SRPX: variants seen among roughly 807,000 people sequenced by gnomAD.
The protein encoded by SRPX is sushi repeat-containing protein SRPX.
Under a neutral mutation model 38.1 loss-of-function variants are expected in SRPX, and 24 were observed. That is an observed-to-expected ratio of 0.63 (90% CI 0.46 to 0.89). The LOEUF (loss-of-function observed/expected upper bound fraction) is 0.89. Ranked by LOEUF, SRPX falls within the 40% of genes least tolerant of loss-of-function variation. The pLI, the probability that SRPX is intolerant of heterozygous loss-of-function variation, is 0.00. For synonymous variants in SRPX, 184 were observed against 153.8 expected (o/e 1.20, Z -1.45); for missense variants, 416 against 377.8 (o/e 1.10, Z -0.84).
chrX:38,196,892 C>T (rs747581398), intron 1 of SRPX, among the ~76,000 whole-genome samples: 4 of 111,617 alleles, frequency 3.6e-5, no homozygotes, highest in Non-Finnish European at 7.5e-5. Context: ...TAAGAGCTGG[C>T]GGGGTGTTAC....
rs1003117742 is a variant in SRPX, at chrX:38,160,057, T to C, written c.915A>G (p.Gln305=). 4.1e-6 allele frequency: 5 copies of C among 1,211,417 alleles called. No homozygotes were observed. Among genetic ancestry groups the C allele is most frequent in the Non-Finnish European group, 5.6e-6 (5 of 895,261 alleles). ...ELQGSPARVC[Q]SNLAWSGTEP... Reference sequence around the variant, plus strand: ...CCGTGCCAGACCAAGCCAGGTTGGATTGACATACTCGGGCAGGGCTACCCT... The same window carrying C: ...CCGTGCCAGACCAAGCCAGGTTGGACTGACATACTCGGGCAGGGCTACCCT... Residue 305 remains glutamine, a synonymous_variant, in exon 7 of 10, where the codon CAA becomes CAG. Transcript: ENST00000378533.
chrX:38,193,986 G>C (rs1198246004), intron 1 of SRPX, among the ~76,000 whole-genome samples: 1 of 111,631 alleles, frequency 9.0e-6, no homozygotes, highest in Non-Finnish European at 1.9e-5. Flanking sequence ...CTTTTATTCT[G>C]AGGATAACTG....
At chrX:38,201,433 C>G (rs1289002397) in intron 1 of SRPX, among the ~76,000 whole-genome samples, 1 of 111,292 alleles carries the variant, frequency 9.0e-6, no homozygotes, top group Non-Finnish European at 1.9e-5. Flanking sequence ...ATGCAGTAAT[C>G]GTACTTCACC....
chrX:38,167,847 A>T (rs959443789), intron 4 of SRPX, among the ~76,000 whole-genome samples: 8 of 111,515 alleles, frequency 7.2e-5, no homozygotes, highest in Non-Finnish European at 5.7e-5. Flanking sequence ...TGCAGCCTTG[A>T]CTTCCCAGAC....
Position 38,156,993 on chromosome X carries a change from G to A in SRPX, c.992C>T (p.Ala331Val). 1 of 1,211,486 alleles carries A rather than the reference G, an allele frequency of 8.3e-7. No homozygotes were observed. The highest frequency in any genetic ancestry group is 1.8e-5 in the South Asian group (1 of 56,897). Residue 331 changes from alanine (A) to valine (V), a missense_variant, in exon 8 of 10, where the codon GCA (alanine) becomes GTA (valine). Physicochemically the swap from Ala to Val is moderately conservative, Grantham distance 64 (BLOSUM62 0). Transcript: ENST00000378533. ...TTTCTCATAAAACTGATCCAGAAGTGCAGCTGCCGTTCTGACACCCACATT... is the reference window on the plus strand; with the variant it reads ...TTTCTCATAAAACTGATCCAGAAGTACAGCTGCCGTTCTGACACCCACATT... ...NVNVGVRTAA[A>V]LLDQFYEKRR...
intron 1 of SRPX, among the ~76,000 whole-genome samples, chrX:38,211,549 A>G (rs979142186): frequency 5.4e-5 from 6 of 110,827 alleles, no homozygotes; most frequent in Non-Finnish European, 1.1e-4. Context: ...AAAACACAAA[A>G]ATTAGATAGG....
chrX:38,166,045 G>A (rs1026979722), intron 4 of SRPX, among the ~76,000 whole-genome samples: 1 of 112,341 alleles, frequency 8.9e-6, no homozygotes. Flanking sequence ...TTTCTGAACA[G>A]GTAGAGAATG....
At chrX:38,214,818 G>C (rs1358899997) in intron 1 of SRPX, among the ~76,000 whole-genome samples, 1 of 111,744 alleles carries the variant, frequency 8.9e-6, no homozygotes, top group African/African-American at 3.3e-5. Context: ...TTCTCACCCT[G>C]TGGCCCTAAT....
At chrX:38,207,596 A>G (rs1368678659) in intron 1 of SRPX, among the ~76,000 whole-genome samples, 3 of 112,358 alleles carry the variant, frequency 2.7e-5, no homozygotes, top group Non-Finnish European at 5.6e-5. Flanking sequence ...CTAAGAAAGG[A>G]AAGGAGGATG....
At chrX:38,186,519 A>T (rs1376193347) in intron 1 of SRPX, among the ~76,000 whole-genome samples, 1 of 112,271 alleles carries the variant, frequency 8.9e-6, no homozygotes, top group Non-Finnish European at 1.9e-5. Context: ...GAAGGGAAAA[A>T]GAAAGGGCAT....
Position 38,149,556 on chromosome X carries a change from G to T in SRPX, c.*155C>A. The T allele has an allele frequency of 1.9e-6, 1 of 520,287 alleles. No individual in the cohort carries two copies. Among genetic ancestry groups the T allele is most frequent in the Non-Finnish European group, 2.9e-6 (1 of 345,509 alleles). The allele number at this position is 520,287 out of a possible 1,213,427, so 42.9% of individuals were successfully genotyped here. On this transcript the variant is annotated 3_prime_UTR_variant, in exon 10 of 10. Coordinates refer to ENST00000378533, the MANE Select transcript of SRPX (RefSeq NM_006307.5). ...GAAACACTTCCAAGTACAAAAAGCA[G>T]CATGCTAATTTTTAAGTGCAAAGAA...
rs374105648 is a variant in SRPX at position 38,200,745 on chromosome X, C to T, written c.97+19951G>A. ...CATTAATCTATTCATGAAGGCAGAG[C>T]CCTAATGGCCCAATCACCTCTTAAA... On this transcript the variant is annotated intron_variant, in intron 1 of 9. Coordinates refer to ENST00000378533, the MANE Select transcript of SRPX (RefSeq NM_006307.5). 8.0e-5 allele frequency among the ~76,000 whole-genome samples: 9 copies of T among 111,848 alleles called. No homozygotes were observed. In the East Asian group the frequency reaches 2.5e-3, roughly 31 times the overall value.
At chrX:38,169,368 C>A (rs192853504) in intron 4 of SRPX, among the ~76,000 whole-genome samples, 64 of 111,973 alleles carry the variant, frequency 5.7e-4, no homozygotes, top group Non-Finnish European at 9.2e-4. Context: ...TTGGGTAAAC[C>A]AGCTGTGAGA....
intron 1 of SRPX, among the ~76,000 whole-genome samples, chrX:38,202,715 C>G (rs971332373): frequency 1.8e-5 from 2 of 112,268 alleles, no homozygotes; most frequent in African/African-American, 6.5e-5. Flanking sequence ...TAACTCTACA[C>G]ATAACTTTGA....
At position 38,174,285 on chromosome X, in the gene SRPX, C is replaced by T; in HGVS notation, c.224G>A (p.Gly75Glu). 8.7e-7 allele frequency: 1 copy of T among 1,153,775 alleles called. No individual in the cohort carries two copies. The highest frequency in any genetic ancestry group is 3.3e-5 in the East Asian group (1 of 30,338). Reference protein sequence around the residue: ...GDVYCRAPQGGYYKTALGTRC... With the variant: ...GDVYCRAPQGEYYKTALGTRC... ...GGTTCCCAGGGCTGTTTTGTAGTAT[C>T]CTCCTTGAGGGGCCCTGCAGTACAC... is the stretch of plus-strand genomic sequence containing the variant. The change falls in exon 3 of 10, where the codon GGA (glycine) becomes GAA (glutamate). Residue 75 changes from glycine to glutamate, a missense_variant. Gly to Glu is a moderately conservative substitution (Grantham distance 98, BLOSUM62 -2). Transcript: ENST00000378533.
chrX:38,181,150 G>C (rs1326178923), intron 1 of SRPX, among the ~76,000 whole-genome samples: 1 of 112,251 alleles, frequency 8.9e-6, no homozygotes, highest in Non-Finnish European at 1.9e-5. Context: ...AAGGCCTTTA[G>C]AGCAAGGCAG....
At chrX:38,210,148 A>T (rs183251995) in intron 1 of SRPX, among the ~76,000 whole-genome samples, 1 of 112,283 alleles carries the variant, frequency 8.9e-6, no homozygotes, top group East Asian at 2.8e-4. Context: ...ATCTGCTAAA[A>T]TACAGATGGC....
chrX:38,189,605 C>G (rs762241239), intron 1 of SRPX, among the ~76,000 whole-genome samples: 1 of 111,806 alleles, frequency 8.9e-6, no homozygotes, highest in Non-Finnish European at 1.9e-5. Flanking sequence ...CTTCATGACT[C>G]AGAAACCTAC....
chrX:38,155,601 A>C (rs959923016), intron 8 of SRPX, among the ~76,000 whole-genome samples: 11 of 112,425 alleles, frequency 9.8e-5, no homozygotes, highest in South Asian at 3.7e-4. Context: ...ATCATGCACA[A>C]ATGAATTAGT....
Sources: allele counts gnomAD v4.1 joint callset (sites outside exome capture counted in the v4.1 genomes callset), GRCh38; gene constraint gnomAD v4.1.1; transcripts MANE v1.5; gene names NCBI Gene and HGNC (gene_info 2026-07-23, HGNC 2026-07-21).